The following EXOC2 variants were observed in gnomAD, a reference collection of about 807,000 sequenced individuals.
EXOC2 encodes exocyst complex component 2, also known as SEC5-like 1.
In EXOC2, 70 loss-of-function variants were observed where a neutral mutation model predicts 131.8. That is an observed-to-expected ratio of 0.53 (90% CI 0.44 to 0.65). The LOEUF is 0.65. EXOC2 is among the 30% of genes least tolerant of loss of function. EXOC2 has a pLI of 0.00. For missense variants in EXOC2, 923 were observed against 1,108.6 expected (o/e 0.83, Z 2.38); for synonymous variants, 411 against 398.4 (o/e 1.03, Z -0.38).
At chr6:589,279 G>A (rs937225009) in intron 11 of EXOC2, among the ~76,000 whole-genome samples, 5 of 151,840 alleles carry the variant, frequency 3.3e-5, no homozygotes, top group East Asian at 1.9e-4. Context: ...GCACCCGCAC[G>A]GTGTCTGGAA....
At chr6:560,249 C>G (rs755643336) in intron 17 of EXOC2, among the ~76,000 whole-genome samples, 9 of 152,212 alleles carry the variant, frequency 5.9e-5, no homozygotes, top group Non-Finnish European at 1.2e-4. Context: ...AAGATGTGTT[C>G]TGCTCCCTGT....
rs115951050 is a variant in EXOC2, at chr6:550,752, G to A, written c.2122-1461C>T. Among the ~76,000 whole-genome samples the A allele has an allele frequency of 1.6e-3, 239 of 152,332 alleles. 1 individual carries two copies. Among genetic ancestry groups the A allele is most frequent in the African/African-American group, 5.3e-3 (220 of 41,572 alleles). Reference sequence around the variant, plus strand: ...CATGACGCAGTCCCTGTAAGGACAAGGAGTAAGTAAACCTCACATTTCATC... The same window carrying A: ...CATGACGCAGTCCCTGTAAGGACAAAGAGTAAGTAAACCTCACATTTCATC... On this transcript the variant is annotated intron_variant, in intron 21 of 27. Coordinates refer to ENST00000230449, the MANE Select transcript of EXOC2 (RefSeq NM_018303.6).
In EXOC2 at chr6:590,532, G is replaced by A. The variant is rs567838782; in HGVS notation, c.1192+1937C>T. The stretch of plus-strand genomic sequence containing the variant: ...TGTTACAGCTCCTGATCCTCCCAGG[G>A]ACCTGATGAGGGCCATTACTCCTTT... On this transcript the variant is annotated intron_variant, in intron 11 of 27. Transcript: ENST00000230449. Among the ~76,000 whole-genome samples, 5 of 152,258 alleles carry A rather than the reference G, an allele frequency of 3.3e-5. No homozygotes were observed. In the South Asian group the frequency reaches 1.0e-3, roughly 32 times the overall value.
intron 4 of EXOC2, among the ~76,000 whole-genome samples, chr6:626,637 G>A (rs1301978897): frequency 1.3e-5 from 2 of 151,826 alleles, no homozygotes; most frequent in Non-Finnish European, 2.9e-5. Flanking sequence ...TGTCACCCAG[G>A]TTGAAGTGCA....
intron 11 of EXOC2, among the ~76,000 whole-genome samples, chr6:583,556 T>C (rs1192129202): frequency 1.3e-5 from 2 of 152,204 alleles, no homozygotes; most frequent in African/African-American, 4.8e-5. Flanking sequence ...CTTTACTACA[T>C]GGGGATCTAC....
intron 27 of EXOC2, among the ~76,000 whole-genome samples, chr6:486,998 C>A (rs547220931): frequency 6.6e-6 from 1 of 152,208 alleles, no homozygotes. Flanking sequence ...TCCTTCCTAT[C>A]CCCTCCCAAG....
chr6:615,370 C>A (rs1054150647), intron 6 of EXOC2, among the ~76,000 whole-genome samples: 14 of 152,046 alleles, frequency 9.2e-5, no homozygotes, highest in African/African-American at 2.9e-4. Context: ...ACTATCCATG[C>A]CTAAAAGTGT....
intron 7 of EXOC2, among the ~76,000 whole-genome samples, chr6:603,894 C>T (rs552678864): frequency 6.6e-6 from 1 of 152,320 alleles, no homozygotes; most frequent in South Asian, 2.1e-4. Context: ...ATAATGATAG[C>T]TAATAATGAC....
intron 27 of EXOC2, among the ~76,000 whole-genome samples, chr6:487,338 C>T (rs960862741): frequency 6.6e-6 from 1 of 152,178 alleles, no homozygotes; most frequent in Non-Finnish European, 1.5e-5. Flanking sequence ...GGGGCTAATT[C>T]CACTAGGCAA....
At chr6:509,266 G>A (rs1175912933) in intron 23 of EXOC2, among the ~76,000 whole-genome samples, 1 of 152,152 alleles carries the variant, frequency 6.6e-6, no homozygotes, top group Admixed American at 6.5e-5. Context: ...AAATAATGCT[G>A]CAATAAACAT....
intron 23 of EXOC2, among the ~76,000 whole-genome samples, chr6:514,434 T>C (rs1226598359): frequency 6.6e-6 from 1 of 152,198 alleles, no homozygotes; most frequent in African/African-American, 2.4e-5. Flanking sequence ...AGAGATGGCA[T>C]TTATGACCTC....
At position 565,881 on chromosome 6, in the gene EXOC2, G is replaced by A. The variant is rs530608366; in HGVS notation, c.1444-952C>T. On this transcript the variant is annotated intron_variant, in intron 13 of 27. Transcript: ENST00000230449. ...ATAAGCTATAAAAACTGCGTGTAGG[G>A]TTAGTTTATATAATGAACATATCAA... Among the ~76,000 whole-genome samples the A allele has an allele frequency of 4.5e-4, 69 of 152,230 alleles. 2 individuals carry two copies. In the South Asian group the frequency reaches 0.014, roughly 32 times the overall value.
At chr6:515,570 C>T (rs745581875) in intron 23 of EXOC2, among the ~76,000 whole-genome samples, 2 of 152,152 alleles carry the variant, frequency 1.3e-5, no homozygotes, top group Non-Finnish European at 2.9e-5. Context: ...ACAGGGCACA[C>T]GGCAGTCCTA....
At chr6:497,890 C>G (rs1763834501) in intron 24 of EXOC2, among the ~76,000 whole-genome samples, 1 of 152,214 alleles carries the variant, frequency 6.6e-6, no homozygotes, top group South Asian at 2.1e-4. Context: ...TCTCCTTAAA[C>G]TCTGACAAAC....
intron 25 of EXOC2, among the ~76,000 whole-genome samples, chr6:496,660 G>C (rs765214927): frequency 1.2e-4 from 19 of 152,074 alleles, no homozygotes; most frequent in South Asian, 2.1e-4. Context: ...ATTTCCTCTA[G>C]AATCTGCCCA....
At chr6:617,592 A>G (rs1761077662) in intron 6 of EXOC2, 119 bp downstream of exon 6, 1 of 1,325,810 alleles carries the variant, frequency 7.5e-7, no homozygotes, top group East Asian at 2.5e-5. Flanking sequence ...TTTATAGCAC[A>G]TTTGAGATCT....
rs980241407 is a variant in EXOC2, at chr6:485,224, G to A, written c.*1447C>T. On this transcript the variant is annotated 3_prime_UTR_variant, in exon 28 of 28. Coordinates refer to ENST00000230449, the MANE Select transcript of EXOC2 (RefSeq NM_018303.6). Reference sequence around the variant, plus strand: ...TAAAATATCACAAACATTCATGATTGCAGTTTTTAAACTTAGCTCACAGTT... The same window carrying A: ...TAAAATATCACAAACATTCATGATTACAGTTTTTAAACTTAGCTCACAGTT... 1 of 152,192 alleles carries A rather than the reference G, an allele frequency of 6.6e-6. No homozygotes were observed. Among genetic ancestry groups the A allele is most frequent in the African/African-American group, 2.4e-5 (1 of 41,438 alleles). The allele number at this position is 152,192 out of a possible 1,614,324, so 9.4% of individuals were successfully genotyped here.
intron 1 of EXOC2, among the ~76,000 whole-genome samples, chr6:640,311 G>T (rs1056093520): frequency 7.9e-5 from 12 of 152,254 alleles, no homozygotes; most frequent in African/African-American, 2.6e-4. Context: ...CCTTAGCGCA[G>T]AATGTCAAAG....
chr6:569,888 C>T (rs370066977), intron 13 of EXOC2, among the ~76,000 whole-genome samples: 8 of 152,108 alleles, frequency 5.3e-5, no homozygotes, highest in Non-Finnish European at 1.0e-4. Flanking sequence ...TTTTCATCTA[C>T]GACCAAATAT....
Sources: allele counts gnomAD v4.1 joint callset (sites outside exome capture counted in the v4.1 genomes callset), GRCh38; gene constraint gnomAD v4.1.1; transcripts MANE v1.5; gene names NCBI Gene and HGNC (gene_info 2026-07-23, HGNC 2026-07-21).